Variants in CACNA1C observed in about 807,000 individuals in gnomAD.
CACNA1C encodes the protein calcium voltage-gated channel subunit alpha1 C.
Under a neutral mutation model 229.0 loss-of-function variants are expected in CACNA1C, and 30 were observed. The observed-to-expected ratio is 0.13, with a 90% CI of 0.10 to 0.18. CACNA1C has a LOEUF of 0.18. Among genes scored for constraint, CACNA1C ranks in the 10% least tolerant of loss-of-function variants. CACNA1C has a pLI of 1.00. For synonymous variants in CACNA1C, 1,114 were observed against 1,132.5 expected (o/e 0.98, Z 0.33); for missense variants, 1,658 against 2,845.0 (o/e 0.58, Z 9.49).
chr12:2,302,959 G>A (rs547057219), intron 3 of CACNA1C, among the ~76,000 whole-genome samples: 2 of 152,322 alleles, frequency 1.3e-5, no homozygotes, highest in South Asian at 2.1e-4. Context: ...TTGCGGCCCC[G>A]GGAGGGGGGC....
At chr12:2,099,878 A>C (rs2075670826) in intron 1 of CACNA1C, among the ~76,000 whole-genome samples, 3 of 152,072 alleles carry the variant, frequency 2.0e-5, no homozygotes, top group Admixed American at 2.0e-4. Flanking sequence ...GATGTTCATT[A>C]ACTCATTTGA....
At position 2,597,233 on chromosome 12, in the gene CACNA1C, C is replaced by G; in HGVS notation, c.2797C>G (p.Leu933Val). The G allele has an allele frequency of 7.5e-6, 12 of 1,602,410 alleles. No individual in the cohort carries two copies. The highest frequency in any genetic ancestry group is 1.0e-5 in the Non-Finnish European group (12 of 1,169,888). Residue 933 changes from leucine to valine, a missense_variant, in exon 21 of 47, where the codon CTG (leucine) becomes GTG (valine). Around this residue, in one of 20 missense-constraint regions of CACNA1C, gnomAD observed 52 missense variants for 99.0 expected, o/e 0.53. Coordinates refer to ENST00000399655, the MANE Select transcript of CACNA1C (RefSeq NM_000719.7). This position sits in a 1 kb window ranked among gnomAD's most constrained non-coding sequence, Gnocchi z 4.3. ...CCTGTTCCTTTTTGTTTTGCAGATT[C>G]TGTTTTATTTTGATATTGTTTTTAC... ...VQHTSFRNHI[L>V]FYFDIVFTTI... is the part of the protein sequence containing the mutation.
chr12:2,309,724 C>T lies in CACNA1C; in HGVS notation c.478-139252C>T, dbSNP rs142032858. Among the ~76,000 whole-genome samples the T allele has an allele frequency of 5.1e-3, 783 of 152,314 alleles. 4 individuals are homozygous for T. The highest frequency in any genetic ancestry group is 0.01 in the Middle Eastern group (3 of 294). On this transcript the variant is annotated intron_variant, in intron 3 of 46. Coordinates refer to ENST00000399655, the MANE Select transcript of CACNA1C (RefSeq NM_000719.7). ...TAAATAAGAAGAAAGTATTAAGCATCGCCTTGCAGGGGGCATTGTGAGTAC... is the reference window on the plus strand; with the variant it reads ...TAAATAAGAAGAAAGTATTAAGCATTGCCTTGCAGGGGGCATTGTGAGTAC...
At chr12:2,058,727 C>A (rs930669912) in intron 1 of CACNA1C, among the ~76,000 whole-genome samples, 1 of 152,120 alleles carries the variant, frequency 6.6e-6, no homozygotes, top group Non-Finnish European at 1.5e-5. Context: ...CAGGATCCCT[C>A]GGGGAAAATG....
chr12:2,089,305 C>A (rs2069172711), intron 1 of CACNA1C, among the ~76,000 whole-genome samples: 1 of 152,286 alleles, frequency 6.6e-6, no homozygotes, highest in African/African-American at 2.4e-5. Flanking sequence ...ACTAAGCATC[C>A]CTTTGGAAGA....
At chr12:2,362,196 C>T (rs554758391) in intron 3 of CACNA1C, among the ~76,000 whole-genome samples, 2 of 152,260 alleles carry the variant, frequency 1.3e-5, no homozygotes, top group East Asian at 1.9e-4. Flanking sequence ...CGGTGTAGCC[C>T]CAGCTCTGAG....
At chr12:2,400,575 C>T (rs1030927256) in intron 3 of CACNA1C, among the ~76,000 whole-genome samples, 1 of 152,294 alleles carries the variant, frequency 6.6e-6, no homozygotes, top group Middle Eastern at 3.4e-3. Flanking sequence ...GAATACAGAA[C>T]GAGATAATGC....
intron 31 of CACNA1C, among the ~76,000 whole-genome samples, chr12:2,648,931 G>A (rs2094622898): frequency 6.6e-6 from 1 of 152,188 alleles, no homozygotes; most frequent in Non-Finnish European, 1.5e-5. Flanking sequence ...CTCTAGGCAG[G>A]AGATGGAAGG....
chr12:2,322,847 A>G (rs1227737556), intron 3 of CACNA1C, among the ~76,000 whole-genome samples: 1 of 152,212 alleles, frequency 6.6e-6, no homozygotes. Context: ...AATACATGGC[A>G]GGTACTTAGA....
chr12:1,993,588 G>C (rs1486095434), intron 1 of CACNA1C, among the ~76,000 whole-genome samples: 1 of 151,336 alleles, frequency 6.6e-6, no homozygotes, highest in Non-Finnish European at 1.5e-5. Context: ...GCACTGGCAT[G>C]ATGATTCATT....
At chr12:2,266,277 G>T (rs957960340) in intron 3 of CACNA1C, among the ~76,000 whole-genome samples, 4 of 152,230 alleles carry the variant, frequency 2.6e-5, no homozygotes, top group Non-Finnish European at 5.9e-5. Context: ...AGTACTGGGG[G>T]CATATGGCCT....
rs1169413843 is a variant in CACNA1C, at chr12:2,145,070, G to A, written c.477+24640G>A. 1.3e-5 allele frequency among the ~76,000 whole-genome samples: 2 copies of A among 151,264 alleles called. 1 individual carries two copies. Among genetic ancestry groups the A allele is most frequent in the Non-Finnish European group, 3.0e-5 (2 of 67,644 alleles). On this transcript the variant is annotated intron_variant, in intron 3 of 46. Transcript: ENST00000399655. The stretch of plus-strand genomic sequence containing the variant: ...AAAACTCAATTAGCATGCACAAAAA[G>A]TATATGTGTTTAAGGCTGTTTTAAC...
intron 3 of CACNA1C, among the ~76,000 whole-genome samples, chr12:2,360,654 A>G (rs539582211): frequency 2.0e-5 from 3 of 152,240 alleles, no homozygotes; most frequent in African/African-American, 7.2e-5. Context: ...TGAGCAGGTC[A>G]TTTTACCTCT....
chr12:2,201,404 A>G (rs1304828281), intron 3 of CACNA1C, among the ~76,000 whole-genome samples: 1 of 152,168 alleles, frequency 6.6e-6, no homozygotes, highest in Non-Finnish European at 1.5e-5. Context: ...ACCCACTAAC[A>G]CTTTTTTCTT....
At chr12:2,550,733 T>G in intron 10 of CACNA1C, 1 of 1,182,888 alleles carries the variant, frequency 8.5e-7, no homozygotes, top group Non-Finnish European at 1.1e-6. Flanking sequence ...CCTCCTCGTC[T>G]GTGGAATGAT....
chr12:2,596,432 A>G (rs2068213759), intron 20 of CACNA1C, among the ~76,000 whole-genome samples: 1 of 152,206 alleles, frequency 6.6e-6, no homozygotes, highest in Admixed American at 6.5e-5. Context: ...GTAGAGTAGA[A>G]CCAAATGTGA....
chr12:2,101,758 C>T (rs954675533), intron 1 of CACNA1C, among the ~76,000 whole-genome samples: 5 of 152,002 alleles, frequency 3.3e-5, no homozygotes, highest in African/African-American at 7.2e-5. Context: ...GCCATTCTCT[C>T]GGATGGTGGC....
intron 3 of CACNA1C, among the ~76,000 whole-genome samples, chr12:2,154,275 G>A (rs1246803555): frequency 2.0e-5 from 3 of 152,322 alleles, no homozygotes; most frequent in African/African-American, 7.2e-5. Flanking sequence ...AGCCTGGCCG[G>A]GGAGGGACAG....
At chr12:2,206,493 C>T (rs2097761619) in intron 3 of CACNA1C, among the ~76,000 whole-genome samples, 1 of 152,144 alleles carries the variant, frequency 6.6e-6, no homozygotes, top group Non-Finnish European at 1.5e-5. Context: ...GTCACTTATC[C>T]AGTCTGAGAC....
Sources: gnomAD v4.1 joint callset for allele counts (sites outside exome capture counted in the v4.1 genomes callset) on GRCh38, gnomAD v4.1.1 for gene constraint, gnomAD v4.1.1 regional missense constraint, Gnocchi (gnomAD v3.1) non-coding constraint, MANE v1.5 for transcripts, NCBI Gene and HGNC (gene_info 2026-07-23, HGNC 2026-07-21) for gene names.